CSMD1: variants seen among roughly 807,000 people sequenced by gnomAD.
CSMD1 encodes CUB and sushi domain-containing protein 1.
A neutral mutation model predicts 417.5 loss-of-function variants in CSMD1; 213 were observed. The ratio of observed to expected loss-of-function variants is 0.51; its 90% confidence interval spans 0.46 to 0.57. The LOEUF (loss-of-function observed/expected upper bound fraction) is 0.57. Ranked by LOEUF, CSMD1 falls within the 20% of genes least tolerant of loss-of-function variation. The pLI, the probability that CSMD1 is intolerant of heterozygous loss-of-function variation, is 0.00. For missense variants in CSMD1, 6,923 were observed against 4,529.7 expected (o/e 1.53, Z -15.17); for synonymous variants, 2,862 against 1,736.8 (o/e 1.65, Z -16.11).
intron 17 of CSMD1, among the ~76,000 whole-genome samples, chr8:3,395,091 G>T (rs1195106902): frequency 6.6e-6 from 1 of 152,078 alleles, no homozygotes; most frequent in South Asian, 2.1e-4. Flanking sequence ...AGGTGATGTG[G>T]GGAATGGAAG....
intron 10 of CSMD1, among the ~76,000 whole-genome samples, chr8:3,530,501 T>G (rs936446120): frequency 1.3e-5 from 2 of 152,172 alleles, no homozygotes; most frequent in East Asian, 3.9e-4. Context: ...AAAAGCAAAA[T>G]GTACAGTGAA....
intron 10 of CSMD1, among the ~76,000 whole-genome samples, chr8:3,536,773 G>C (rs567873859): frequency 1.7e-4 from 26 of 152,264 alleles, no homozygotes; most frequent in African/African-American, 4.3e-4. Context: ...GTGTGGAAGG[G>C]ACTAAGTCAT....
intron 3 of CSMD1, among the ~76,000 whole-genome samples, chr8:4,187,734 A>C (rs987553012): frequency 5.3e-5 from 8 of 150,728 alleles, no homozygotes; most frequent in African/African-American, 1.7e-4. Context: ...ACATTAAGGC[A>C]CCATAAATGA....
At chr8:3,281,288 C>CAAAAAAAA (rs548393153) in intron 26 of CSMD1, among the ~76,000 whole-genome samples, 16 of 151,902 alleles carry the variant, frequency 1.1e-4, no homozygotes, top group African/African-American at 3.4e-4. Context: ...GCTAAAAATA[C>CAAAAAAAA]AAAAAAATAG....
intron 1 of CSMD1, among the ~76,000 whole-genome samples, chr8:4,918,940 G>C (rs1806246394): frequency 6.6e-6 from 1 of 152,146 alleles, no homozygotes; most frequent in African/African-American, 2.4e-5. Flanking sequence ...GTGTATGTAT[G>C]TTTGGTTTAT....
intron 5 of CSMD1, among the ~76,000 whole-genome samples, chr8:3,878,976 G>C (rs550749176): frequency 6.6e-6 from 1 of 152,188 alleles, no homozygotes; most frequent in East Asian, 1.9e-4. Context: ...CATGATGCAA[G>C]CACTTCAAGC....
At position 4,869,382 on chromosome 8, in the gene CSMD1, C is replaced by T. The variant is rs184429090; in HGVS notation, c.85+124950G>A. The stretch of plus-strand genomic sequence containing the variant: ...TAATGCTCTCTGTATTTTAATCACT[C>T]GAATTTCATAACTTTGAGTTACTTG... On this transcript the variant is annotated intron_variant, in intron 1 of 69. Coordinates refer to ENST00000635120, the MANE Select transcript of CSMD1 (RefSeq NM_033225.6). Among the ~76,000 whole-genome samples, 139 of 152,014 alleles carry T rather than the reference C, an allele frequency of 9.1e-4. 1 individual carries two copies. In the East Asian group the frequency reaches 0.015, roughly 16 times the overall value.
chr8:3,578,659 C>G (rs1485953975), intron 9 of CSMD1, among the ~76,000 whole-genome samples: 1 of 152,144 alleles, frequency 6.6e-6, no homozygotes, highest in East Asian at 1.9e-4. Context: ...CTCATGGACT[C>G]TGCTGGTTTT....
chr8:3,515,176 T>G (rs1335873227), intron 10 of CSMD1: 1 of 152,218 alleles, frequency 6.6e-6, no homozygotes, highest in Non-Finnish European at 1.5e-5. Context: ...AAAGTCCTAC[T>G]CTCTATGAAA....
intron 5 of CSMD1, among the ~76,000 whole-genome samples, chr8:3,899,731 G>C (rs1401495824): frequency 1.3e-5 from 2 of 152,104 alleles, no homozygotes; most frequent in East Asian, 3.9e-4. Context: ...GGCTGGCTGA[G>C]GTTAGCAGTT....
At chr8:4,596,731 G>T (rs1238618886) in intron 2 of CSMD1, among the ~76,000 whole-genome samples, 1 of 152,080 alleles carries the variant, frequency 6.6e-6, no homozygotes, top group Non-Finnish European at 1.5e-5. Context: ...GAACAATAAG[G>T]AACAAACGAA....
chr8:4,406,665 C>T (rs768941621), intron 3 of CSMD1, among the ~76,000 whole-genome samples: 1 of 152,122 alleles, frequency 6.6e-6, no homozygotes, highest in African/African-American at 2.4e-5. Flanking sequence ...CTCCTCCTGG[C>T]CATGCCTTAC....
At chr8:3,681,496 C>G (rs1009169786) in intron 7 of CSMD1, among the ~76,000 whole-genome samples, 3 of 152,078 alleles carry the variant, frequency 2.0e-5, no homozygotes, top group Non-Finnish European at 4.4e-5. Flanking sequence ...TGTGAAGGAC[C>G]TCTTCAAGGA....
intron 3 of CSMD1, among the ~76,000 whole-genome samples, chr8:4,349,921 T>C (rs1013765357): frequency 2.6e-5 from 4 of 152,016 alleles, no homozygotes; most frequent in African/African-American, 9.7e-5. Context: ...GGTTGTGCTA[T>C]GACCTTTATA....
chr8:4,100,390 C>A (rs1368784414), intron 3 of CSMD1, among the ~76,000 whole-genome samples: 1 of 152,200 alleles, frequency 6.6e-6, no homozygotes, highest in African/African-American at 2.4e-5. Context: ...TCCACCTTCC[C>A]TGTGTCTAGT....
At chr8:3,991,036 C>G (rs1460024044) in intron 5 of CSMD1, among the ~76,000 whole-genome samples, 3 of 152,228 alleles carry the variant, frequency 2.0e-5, no homozygotes, top group Non-Finnish European at 2.9e-5. Context: ...GCCTGCTTCA[C>G]TCCACTTGTG....
intron 18 of CSMD1, 34 bp from the exon 19 acceptor site, chr8:3,369,404 A>C (rs766693830): frequency 5.1e-6 from 5 of 979,022 alleles, no homozygotes; most frequent in African/African-American, 4.9e-5. Flanking sequence ...TTACAGCACT[A>C]AAGTTTCACA....
chr8:3,193,073 T>C lies in CSMD1; in HGVS notation c.5195-2958A>G, dbSNP rs377254157. On this transcript the variant is annotated intron_variant, in intron 33 of 69. Transcript: ENST00000635120. Reference sequence around the variant, plus strand: ...CTGCTATCGTGGCAAAGGTTGCACTTATCTAAGAGGCTTCAGGTATTGCAT... The same window carrying C: ...CTGCTATCGTGGCAAAGGTTGCACTCATCTAAGAGGCTTCAGGTATTGCAT... Among the ~76,000 whole-genome samples, 22 of 152,298 alleles carry C rather than the reference T, an allele frequency of 1.4e-4. No homozygotes were observed. In the East Asian group the frequency reaches 2.9e-3, roughly 20 times the overall value.
intron 37 of CSMD1, among the ~76,000 whole-genome samples, chr8:3,165,143 T>C (rs1163260791): frequency 6.6e-6 from 1 of 152,086 alleles, no homozygotes; most frequent in African/African-American, 2.4e-5. Context: ...GAACCATCTT[T>C]TCTTCTCCCT....
Sources: gnomAD v4.1 joint callset for allele counts (sites outside exome capture counted in the v4.1 genomes callset) on GRCh38, gnomAD v4.1.1 for gene constraint, MANE v1.5 for transcripts, NCBI Gene and HGNC (gene_info 2026-07-23, HGNC 2026-07-21) for gene names.